INO80: variants seen among roughly 807,000 people sequenced by gnomAD.
INO80 encodes the protein INO80 complex ATPase subunit, also known as chromatin-remodeling ATPase INO80.
Under a neutral mutation model 203.4 loss-of-function variants are expected in INO80, and 20 were observed. That is an observed-to-expected ratio of 0.10 (90% CI 0.07 to 0.14). The LOEUF (loss-of-function observed/expected upper bound fraction) is 0.14. Ranked by LOEUF, INO80 falls within the 10% of genes least tolerant of loss-of-function variation. The pLI is 1.00. For synonymous variants in INO80, 726 were observed against 685.2 expected, an observed-to-expected ratio of 1.06 and a Z score of -0.93; for missense variants, 1,419 against 1,914.4, an observed-to-expected ratio of 0.74 and a Z score of 4.83.
chr15:41,110,905 G>A (rs1335459995), intron 1 of INO80, among the ~76,000 whole-genome samples: 2 of 152,108 alleles, frequency 1.3e-5, no homozygotes, highest in Non-Finnish European at 2.9e-5. Context: ...CTGGTTATGT[G>A]AGCATATTTA....
chr15:41,091,422 G>A (rs920840966), intron 5 of INO80, among the ~76,000 whole-genome samples: 40 of 152,046 alleles, frequency 2.6e-4, no homozygotes, highest in African/African-American at 8.4e-4. Flanking sequence ...TTTGCTACAC[G>A]GGTAAACATG....
At chr15:40,988,757 G>A (rs1368165286) in intron 29 of INO80, among the ~76,000 whole-genome samples, 1 of 152,232 alleles carries the variant, frequency 6.6e-6, no homozygotes, top group Admixed American at 6.5e-5. Flanking sequence ...GCTCACGCCT[G>A]TAATCCCATC....
At chr15:41,058,267 T>C (rs1253677907) in intron 16 of INO80, among the ~76,000 whole-genome samples, 1 of 152,178 alleles carries the variant, frequency 6.6e-6, no homozygotes, top group Admixed American at 6.5e-5. Context: ...CTTGGTATTC[T>C]TGGCATTAAC....
At chr15:41,046,437 G>A (rs559736895) in intron 23 of INO80, among the ~76,000 whole-genome samples, 7 of 151,232 alleles carry the variant, frequency 4.6e-5, no homozygotes, top group Non-Finnish European at 8.8e-5. Flanking sequence ...ATGTTGGCCA[G>A]GCTGCTCTCA....
At position 41,068,685 on chromosome 15, in the gene INO80, C is replaced by T. The variant is rs1596307316; in HGVS notation, c.1782+885G>A. ...CCAGCCTGGACAACATGGTGAAACC[C>T]TCTCTCTATTAAAAATACAAAACAA... On this transcript the variant is annotated intron_variant, in intron 14 of 35. Coordinates refer to ENST00000648947, the MANE Select transcript of INO80 (RefSeq NM_017553.3). Among the ~76,000 whole-genome samples the T allele has an allele frequency of 3.9e-5, 6 of 152,004 alleles. 1 individual carries two copies. In the South Asian group the frequency reaches 1.2e-3, roughly 32 times the overall value.
chr15:41,008,228 C>T lies in INO80; in HGVS notation c.3403-2541G>A, dbSNP rs75461964. 4.9e-4 allele frequency among the ~76,000 whole-genome samples: 4 copies of T among 8,130 alleles called. No homozygotes were observed. The Non-Finnish European group carries it at 6.5e-3, about 13-fold the overall frequency. 5.3% of individuals were successfully genotyped at this position (8,130 alleles called of 152,430 possible). ...AGAATATGTGATATATATACATACACACACACACACACACACACACACACA... is the reference window on the plus strand; with the variant it reads ...AGAATATGTGATATATATACATACATACACACACACACACACACACACACA... On this transcript the variant is annotated intron_variant, in intron 27 of 35. Transcript: ENST00000648947.
chr15:41,071,445 TTCC>T (rs1168634738), intron 12 of INO80, among the ~76,000 whole-genome samples: 1 of 143,368 alleles, frequency 7.0e-6, no homozygotes, highest in Non-Finnish European at 1.5e-5. Context: ...TTGTACTCAT[TTCC>T]TTTTTTTTTT....
intron 1 of INO80, among the ~76,000 whole-genome samples, chr15:41,103,944 A>G (rs1310616884): frequency 1.3e-5 from 2 of 151,886 alleles, no homozygotes; most frequent in Admixed American, 6.6e-5. Context: ...TGCCAGGCGC[A>G]GTGGCTCACG....
chr15:41,064,495 T>A (rs1450277130), intron 14 of INO80, among the ~76,000 whole-genome samples: 1 of 152,148 alleles, frequency 6.6e-6, no homozygotes, highest in African/African-American at 2.4e-5. Context: ...TCATCCCACC[T>A]AGAAATACAC....
At chr15:40,994,326 T>C (rs1373966926) in intron 29 of INO80, among the ~76,000 whole-genome samples, 2 of 152,160 alleles carry the variant, frequency 1.3e-5, no homozygotes, top group Non-Finnish European at 2.9e-5. Context: ...CTACCACTCC[T>C]TACCTGATGA....
intron 1 of INO80, among the ~76,000 whole-genome samples, chr15:41,101,923 G>C (rs1026700116): frequency 6.6e-6 from 1 of 151,900 alleles, no homozygotes; most frequent in Non-Finnish European, 1.5e-5. Flanking sequence ...CGGGCATGGT[G>C]GCTCATGCCT....
intron 29 of INO80, among the ~76,000 whole-genome samples, chr15:40,991,357 C>CTAAAAA (rs1210710560): frequency 6.6e-6 from 1 of 151,946 alleles, no homozygotes; most frequent in Non-Finnish European, 1.5e-5. Context: ...AGTGAGAGAA[C>CTAAAAA]TAAAAACCAA....
In INO80 at chr15:41,035,087, C is replaced by T. The variant is rs144189980; in HGVS notation, c.2908-7351G>A. The stretch of plus-strand genomic sequence containing the variant: ...AGCTAACATTTGCTGTGAAGAAACA[C>T]GGGTAACAGAGCACAAGGATAGAGT... On this transcript the variant is annotated intron_variant, in intron 24 of 35. Coordinates refer to ENST00000648947, the MANE Select transcript of INO80 (RefSeq NM_017553.3). 6.6e-5 allele frequency among the ~76,000 whole-genome samples: 10 copies of T among 152,264 alleles called. No individual in the cohort carries two copies. In the East Asian group the frequency reaches 1.2e-3, roughly 18 times the overall value.
chr15:40,990,761 G>GACCAAGTTTGAACTAGAAC (rs1370064465), intron 29 of INO80, among the ~76,000 whole-genome samples: 5 of 152,230 alleles, frequency 3.3e-5, no homozygotes, highest in Non-Finnish European at 7.3e-5. Flanking sequence ...TGAACTAGAA[G>GACCAAGTTTGAACTAGAAC]ACCAAGTTTG....
intron 1 of INO80, among the ~76,000 whole-genome samples, chr15:41,112,394 T>A (rs1396803211): frequency 6.6e-6 from 1 of 152,174 alleles, no homozygotes; most frequent in Non-Finnish European, 1.5e-5. Flanking sequence ...ACTCACTGAC[T>A]CACAAGAGTT....
At chr15:41,091,193 G>C (rs930807416) in intron 5 of INO80, among the ~76,000 whole-genome samples, 2 of 152,212 alleles carry the variant, frequency 1.3e-5, no homozygotes, top group African/African-American at 2.4e-5. Context: ...CAAAGTGCTG[G>C]GATTACAGGC....
At chr15:41,079,999 C>A in intron 8 of INO80, 95 bp from the exon 9 acceptor site, 1 of 1,061,642 alleles carries the variant, frequency 9.4e-7, no homozygotes, top group South Asian at 1.3e-5. Context: ...ATCTGTTCAG[C>A]CAAACTGTCA....
At chr15:41,017,763 G>C (rs972061109) in intron 26 of INO80, 2 of 152,268 alleles carry the variant, frequency 1.3e-5, no homozygotes, top group African/African-American at 4.8e-5. Context: ...TCCACCACCC[G>C]CTCCCTGAAG....
At chr15:41,010,284 G>A (rs934894118) in intron 27 of INO80, among the ~76,000 whole-genome samples, 4 of 152,142 alleles carry the variant, frequency 2.6e-5, no homozygotes, top group Admixed American at 1.3e-4. Flanking sequence ...AACCTTTAAG[G>A]TAGGTGCTAT....
Sources: allele counts gnomAD v4.1 joint callset (sites outside exome capture counted in the v4.1 genomes callset), GRCh38; gene constraint gnomAD v4.1.1; transcripts MANE v1.5; gene names NCBI Gene and HGNC (gene_info 2026-07-23, HGNC 2026-07-21).